Variants in BTBD8 observed in about 807,000 individuals in gnomAD.
BTBD8 encodes the protein BTB domain containing 8.
Under a neutral mutation model 162.9 loss-of-function variants are expected in BTBD8, and 110 were observed. The observed-to-expected ratio is 0.68, with a 90% confidence interval of 0.58 to 0.79. The LOEUF (loss-of-function observed/expected upper bound fraction) is 0.79, where lower values mean the gene tolerates loss of function less well. BTBD8 is among the 30% of genes least tolerant of loss of function. The probability of loss-of-function intolerance (pLI) is 0.00; values close to 1 mark genes in which losing one functional copy is unlikely to be tolerated. For synonymous variants in BTBD8, 667 were observed against 716.1 expected (o/e 0.93, Z 1.10); for missense variants, 1,905 against 2,085.4 (o/e 0.91, Z 1.68).
intron 3 of BTBD8, among the ~76,000 whole-genome samples, chr1:92,104,549 T>C (rs1372180728): frequency 2.0e-5 from 3 of 152,248 alleles, no homozygotes; most frequent in Non-Finnish European, 2.9e-5. Context: ...TCTAGAGCTC[T>C]GCTGTGGCTC....
chr1:92,122,594 C>T (rs547177111), intron 4 of BTBD8, among the ~76,000 whole-genome samples: 2 of 149,970 alleles, frequency 1.3e-5, no homozygotes, highest in East Asian at 4.0e-4. Flanking sequence ...GACAGAGTCT[C>T]ACTCTGTAGC....
chr1:92,119,254 C>G (rs1649126468), intron 4 of BTBD8, among the ~76,000 whole-genome samples: 1 of 150,954 alleles, frequency 6.6e-6, no homozygotes, highest in Non-Finnish European at 1.5e-5. Context: ...TAATCACAAA[C>G]ATGTATAGCT....
In BTBD8 at chr1:92,129,736, T is replaced by C. The variant is rs1649463527; in HGVS notation, c.712T>C (p.Cys238Arg). 1 of 1,614,170 alleles carries C rather than the reference T, an allele frequency of 6.2e-7. No individual in the cohort carries two copies. The highest frequency in any genetic ancestry group is 8.5e-7 in the Non-Finnish European group (1 of 1,180,022). Residue 238 changes from cysteine to arginine, a missense_variant, in exon 5 of 18, where the codon TGT becomes CGT. Around this residue, in one of 3 missense-constraint regions of BTBD8, gnomAD observed 1,374 missense variants for 1,442.7 expected, o/e 0.95. Coordinates refer to ENST00000636805, the MANE Select transcript of BTBD8 (RefSeq NM_001376131.1). Reference sequence around the variant, plus strand: ...TTATTTTGCTGCAATGCTGAGTGGCTGTTGGGCTGAAAGCTCCCAAGAGTA... The same window carrying C: ...TTATTTTGCTGCAATGCTGAGTGGCCGTTGGGCTGAAAGCTCCCAAGAGTA... ...SSYFAAMLSG[C>R]WAESSQEYVT... is the part of the protein sequence containing the mutation.
intron 2 of BTBD8, among the ~76,000 whole-genome samples, chr1:92,094,324 T>G (rs1648393782): frequency 6.6e-6 from 1 of 152,228 alleles, no homozygotes; most frequent in Non-Finnish European, 1.5e-5. Flanking sequence ...ACGTACCCTT[T>G]TTTGGTTTCA....
intron 14 of BTBD8, 33 bp from the exon 15 acceptor site, chr1:92,177,776 TTC>T (rs767672768): frequency 8.3e-7 from 1 of 1,205,308 alleles, no homozygotes; most frequent in South Asian, 1.3e-5. Flanking sequence ...ATTTAATGTA[TTC>T]TCTCTTATGA....
chr1:92,166,906 AT>A (rs1650399664), intron 9 of BTBD8, 51 bp from the exon 10 acceptor site: 2 of 1,471,694 alleles, frequency 1.4e-6, no homozygotes, highest in Admixed American at 2.6e-5. Flanking sequence ...TTAGAGAGTT[AT>A]TTTATTAGCA....
intron 4 of BTBD8, among the ~76,000 whole-genome samples, chr1:92,120,390 T>G (rs1251008188): frequency 6.6e-6 from 1 of 152,130 alleles, no homozygotes; most frequent in Non-Finnish European, 1.5e-5. Flanking sequence ...CTAACATGCC[T>G]TCTTCTGGAA....
At position 92,130,522 on chromosome 1, in the gene BTBD8, AT is replaced by A. The variant is rs67286892; in HGVS notation, c.752+747del. Among the ~76,000 whole-genome samples, 106 of 20,128 alleles carry A rather than the reference AT, an allele frequency of 5.3e-3. 1 individual carries two copies. In the East Asian group the frequency reaches 0.14, roughly 26 times the overall value. The allele number at this position is 20,128 out of a possible 152,430, so 13.2% of individuals were successfully genotyped here. A position where few individuals can be genotyped will look rare whatever the true frequency, so the allele number is the denominator to read the frequency against. ...AGCCAAACCCTGTCTCAAAAAAAAT[AT>A]ATATATATATATATTTACACACACA... On this transcript the variant is annotated intron_variant, in intron 5 of 17. Coordinates refer to ENST00000636805, the MANE Select transcript of BTBD8 (RefSeq NM_001376131.1).
intron 4 of BTBD8, among the ~76,000 whole-genome samples, chr1:92,124,269 C>G (rs999226404): frequency 6.6e-6 from 1 of 151,746 alleles, no homozygotes; most frequent in African/African-American, 2.4e-5. Context: ...CTTTTTTTTG[C>G]TTCTTTTCTT....
chr1:92,155,710 T>A (rs996525667), intron 9 of BTBD8, among the ~76,000 whole-genome samples: 1 of 152,248 alleles, frequency 6.6e-6, no homozygotes, highest in South Asian at 2.1e-4. Context: ...CTATTGTAAA[T>A]GGGATTGTTT....
chr1:92,175,250 G>A (rs1178483330), intron 13 of BTBD8, among the ~76,000 whole-genome samples: 1 of 152,054 alleles, frequency 6.6e-6, no homozygotes, highest in South Asian at 2.1e-4. Context: ...GGAGGCTGAG[G>A]TGGGTGGATC....
At chr1:92,091,140 G>GC (rs1457851716) in intron 2 of BTBD8, among the ~76,000 whole-genome samples, 2 of 152,144 alleles carry the variant, frequency 1.3e-5, no homozygotes, top group Admixed American at 6.5e-5. Flanking sequence ...GAGGTGATTG[G>GC]ATCATGGGGG....
At chr1:92,130,017 A>G (rs934675697) in intron 5 of BTBD8, among the ~76,000 whole-genome samples, 1 of 152,190 alleles carries the variant, frequency 6.6e-6, no homozygotes, top group Non-Finnish European at 1.5e-5. Context: ...AACAACAGGT[A>G]TTTATTTTCT....
rs1204719967 is a variant in BTBD8, at chr1:92,180,481, A to G, written c.2798A>G (p.Asn933Ser). Residue 933 changes from asparagine (N) to serine (S), a missense_variant, in exon 17 of 18, where the codon AAT becomes AGT. Around this residue, in one of 3 missense-constraint regions of BTBD8, gnomAD observed 1,374 missense variants for 1,442.7 expected, o/e 0.95. Transcript: ENST00000636805. ...LNQSKKGETL[N>S]NKDSKQKMPP... ...CAGTCAAAGAAAGGTGAAACTTTGA[A>G]TAATAAAGATTCAAAACAGAAAATG... 1 of 1,550,500 alleles carries G rather than the reference A, an allele frequency of 6.4e-7. No homozygotes were observed. The highest frequency in any genetic ancestry group is 8.7e-7 in the Non-Finnish European group (1 of 1,146,688).
chr1:92,125,256 GA>G (rs140698331), intron 4 of BTBD8: 2,365 of 159,772 alleles, frequency 0.015, 76 homozygotes, highest in African/African-American at 0.054. Context: ...GTGAAGAGCA[GA>G]AGAAAGAATA....
chr1:92,177,028 G>T lies in BTBD8; in HGVS notation c.1835G>T (p.Gly612Val). ...CAAGATGATGTAAAGGAAAAAGATG[G>T]TACAAAAATAGCATCTAAGATTACA... ...LKQDDVKEKD[G>V]TKIASKITKE... is the part of the protein sequence containing the mutation. Residue 612 changes from glycine (G) to valine (V), a missense_variant, in exon 14 of 18, where the codon GGT becomes GTT. By Grantham distance (109) the Gly-to-Val change is moderately radical. This residue lies in a region of BTBD8 where 1,374 missense variants were observed against 1,442.7 expected (regional missense o/e 0.95). Transcript: ENST00000636805. 1 of 1,548,944 alleles carries T rather than the reference G, an allele frequency of 6.5e-7. No homozygotes were observed. Among genetic ancestry groups the T allele is most frequent in the Non-Finnish European group, 8.7e-7 (1 of 1,145,736 alleles).
intron 9 of BTBD8, among the ~76,000 whole-genome samples, chr1:92,154,241 A>G (rs779803815): frequency 2.0e-5 from 3 of 152,170 alleles, no homozygotes; most frequent in African/African-American, 7.2e-5. Context: ...TTTTCCTTAT[A>G]AATTACTTAG....
At chr1:92,148,725 TA>T (rs1291154946) in intron 9 of BTBD8, among the ~76,000 whole-genome samples, 1 of 152,214 alleles carries the variant, frequency 6.6e-6, no homozygotes, top group Non-Finnish European at 1.5e-5. Flanking sequence ...TTATAAGTCT[TA>T]ATCCCCAAAA....
rs762747031 is a variant in BTBD8 at position 92,129,737 on chromosome 1, G to T, written c.713G>T (p.Cys238Phe). 1.7e-5 allele frequency: 28 copies of T among 1,613,984 alleles called. No individual in the cohort carries two copies. The South Asian group carries it at 2.2e-4, about 13-fold the overall frequency. ...TATTTTGCTGCAATGCTGAGTGGCT[G>T]TTGGGCTGAAAGCTCCCAAGAGTAC... is the stretch of plus-strand genomic sequence containing the variant. ...SSYFAAMLSGCWAESSQEYVT... is the reference protein window; with the variant it reads ...SSYFAAMLSGFWAESSQEYVT... Residue 238 changes from cysteine to phenylalanine, a missense_variant, in exon 5 of 18, where the codon TGT becomes TTT. This residue lies in a region of BTBD8 where 1,374 missense variants were observed against 1,442.7 expected (regional missense o/e 0.95). Coordinates refer to ENST00000636805, the MANE Select transcript of BTBD8 (RefSeq NM_001376131.1).
Sources: allele counts gnomAD v4.1 joint callset (sites outside exome capture counted in the v4.1 genomes callset), GRCh38; gene constraint gnomAD v4.1.1; regional missense constraint gnomAD v4.1.1; transcripts MANE v1.5; gene names NCBI Gene and HGNC (gene_info 2026-07-23, HGNC 2026-07-21).